Variants in ACSL1 observed in about 807,000 individuals in gnomAD.
The protein encoded by ACSL1 is acyl-CoA synthetase long chain family member 1.
In ACSL1, 41 loss-of-function variants were observed where a neutral mutation model predicts 98.4. That is an observed-to-expected ratio of 0.42 (90% confidence interval 0.32 to 0.54). The LOEUF is 0.54. ACSL1 is among the 20% of genes least tolerant of loss of function. The pLI is 0.13. For missense variants in ACSL1, 734 were observed against 883.1 expected, an observed-to-expected ratio of 0.83 and a Z score of 2.14; for synonymous variants, 316 against 322.7, an observed-to-expected ratio of 0.98 and a Z score of 0.22.
intron 1 of ACSL1, chr4:184,808,473 G>A: frequency 2.0e-6 from 2 of 985,414 alleles, no homozygotes; most frequent in Non-Finnish European, 2.4e-6. Flanking sequence ...CCCTGCAGTG[G>A]CAAATTAAGA....
chr4:184,779,357 C>T (rs1021338397), intron 5 of ACSL1, among the ~76,000 whole-genome samples: 1 of 152,172 alleles, frequency 6.6e-6, no homozygotes, highest in African/African-American at 2.4e-5. Flanking sequence ...TAAGAAGTGC[C>T]TTTCACCTCC....
chr4:184,758,923 T>C (rs1318472781), intron 18 of ACSL1: 1 of 91,322 alleles, frequency 1.1e-5, no homozygotes, highest in Non-Finnish European at 2.0e-5. Flanking sequence ...CAACAGGCCC[T>C]CGTGTGTGAT....
intron 7 of ACSL1, among the ~76,000 whole-genome samples, chr4:184,774,664 T>C (rs1765020027): frequency 6.6e-6 from 1 of 152,210 alleles, no homozygotes; most frequent in Non-Finnish European, 1.5e-5. Flanking sequence ...ATTCTTTTCC[T>C]ATTCAAATGG....
intron 15 of ACSL1, among the ~76,000 whole-genome samples, chr4:184,763,572 C>T (rs533211576): frequency 6.6e-6 from 1 of 152,330 alleles, no homozygotes; most frequent in South Asian, 2.1e-4. Flanking sequence ...GGCTTCCACC[C>T]TCCGATCGCC....
chr4:184,798,184 A>C (rs1421049521), intron 2 of ACSL1: 2 of 152,252 alleles, frequency 1.3e-5, no homozygotes, highest in Non-Finnish European at 2.9e-5. Context: ...ATAACAATCT[A>C]AACAGTGAAT....
chr4:184,764,821 A>G, intron 15 of ACSL1, 32 bp downstream of exon 15: 1 of 1,592,260 alleles, frequency 6.3e-7, no homozygotes, highest in Non-Finnish European at 8.5e-7. Flanking sequence ...ATGAATAACA[A>G]AATTCCAAAA....
chr4:184,778,409 C>T (rs1765654671), intron 5 of ACSL1, among the ~76,000 whole-genome samples: 1 of 152,196 alleles, frequency 6.6e-6, no homozygotes, highest in Admixed American at 6.5e-5. Flanking sequence ...ACATGTGACG[C>T]ATGAGGAAGG....
intron 5 of ACSL1, among the ~76,000 whole-genome samples, 178 bp from the exon 6 acceptor site, chr4:184,777,161 T>C (rs1392121422): frequency 6.6e-6 from 1 of 152,228 alleles, no homozygotes; most frequent in African/African-American, 2.4e-5. Context: ...ACAAAACACA[T>C]GCCCCCTTCT....
intron 12 of ACSL1, among the ~76,000 whole-genome samples, chr4:184,767,240 C>T (rs915664027): frequency 3.3e-5 from 5 of 149,686 alleles, no homozygotes; most frequent in Non-Finnish European, 7.4e-5. Context: ...CATGATAACA[C>T]CACTGCACTC....
intron 1 of ACSL1, chr4:184,805,433 G>C: frequency 1.0e-6 from 1 of 981,748 alleles, no homozygotes; most frequent in Non-Finnish European, 1.2e-6. Flanking sequence ...GAAATTTCAA[G>C]GTTTACCATG....
Position 184,768,396 on chromosome 4 carries a change from G to A in ACSL1, c.1048C>T (p.Leu350=). 1 of 1,613,950 alleles carries A rather than the reference G, an allele frequency of 6.2e-7. No homozygotes were observed. The highest frequency in any genetic ancestry group is 8.5e-7 in the Non-Finnish European group (1 of 1,179,988). The change falls in exon 12 of 21, where the codon CTG becomes TTG. Residue 350 remains leucine (L), a synonymous_variant. Transcript: ENST00000281455. ...AGCACCTTGAGGTCATCCATGAGCA[G>A]CCTGATATCTCCTTGGAAAAATCCG... ...KIGFFQGDIR[L]LMDDLKVLQP... is the part of the protein sequence containing the mutation.
chr4:184,768,895 A>C (rs1466851554), intron 11 of ACSL1, among the ~76,000 whole-genome samples: 1 of 152,044 alleles, frequency 6.6e-6, no homozygotes, highest in Non-Finnish European at 1.5e-5. Context: ...GTTACGGTGA[A>C]ACCCCATCTC....
At chr4:184,793,936 A>G (rs1209792977) in intron 2 of ACSL1, among the ~76,000 whole-genome samples, 1 of 152,202 alleles carries the variant, frequency 6.6e-6, no homozygotes, top group Non-Finnish European at 1.5e-5. Flanking sequence ...CATATAACCT[A>G]TGCACATCTT....
chr4:184,798,424 A>G (rs2150417503), intron 2 of ACSL1: 1 of 153,050 alleles, frequency 6.5e-6, no homozygotes, highest in East Asian at 1.9e-4. Context: ...AACTAATTTG[A>G]CAAGTCAGTC....
chr4:184,812,263 C>A (rs1439888855), intron 1 of ACSL1: 2 of 983,084 alleles, frequency 2.0e-6, no homozygotes, highest in Non-Finnish European at 2.4e-6. Flanking sequence ...CAGTCCCGAG[C>A]CAAGGACAGG....
Position 184,756,174 on chromosome 4 carries a change from C to T in ACSL1, c.*951G>A, listed in dbSNP as rs768631405. On this transcript the variant is annotated 3_prime_UTR_variant, in exon 21 of 21. Coordinates refer to ENST00000281455, the MANE Select transcript of ACSL1 (RefSeq NM_001995.5). Reference sequence around the variant, plus strand: ...GGGGAAAAAGGCAAGTTAATCCCAACATGATCTTTTGATATGAAAACCACA... The same window carrying T: ...GGGGAAAAAGGCAAGTTAATCCCAATATGATCTTTTGATATGAAAACCACA... 4 of 152,526 alleles carry T rather than the reference C, an allele frequency of 2.6e-5. No individual in the cohort carries two copies. The highest frequency in any genetic ancestry group is 5.9e-5 in the Non-Finnish European group (4 of 68,040). 9.4% of individuals were successfully genotyped at this position (152,526 alleles called of 1,614,324 possible).
intron 4 of ACSL1, 78 bp downstream of exon 4, chr4:184,783,849 T>G: frequency 6.6e-6 from 9 of 1,365,826 alleles, no homozygotes; most frequent in Non-Finnish European, 9.4e-6. Flanking sequence ...GGAGAAACCT[T>G]CCGGCTCCAA....
Position 184,770,468 on chromosome 4 carries a change from G to T in ACSL1, c.924C>A (p.Val308=). 1.9e-6 allele frequency: 3 copies of T among 1,584,308 alleles called. No homozygotes were observed. In the South Asian group the frequency reaches 3.3e-5, roughly 17 times the overall value. The stretch of plus-strand genomic sequence containing the variant: ...TCAAAGTATCATCTGGGCAAGGATT[G>T]ACTGTATTCTGTAAGCAAAGACACC... ...SAFVKATENT[V]NPCPDDTLIS... Residue 308 remains valine, a synonymous_variant, in exon 11 of 21, where the codon GTC becomes GTA. Transcript: ENST00000281455.
chr4:184,826,022 G>A (rs116375145), upstream of ACSL1: 30,286 of 148,016 alleles, frequency 0.2, 3,604 homozygotes, highest in East Asian at 0.52. Context: ...CGCCGCCTCG[G>A]CCCGCTGGTT....
Sources: allele counts gnomAD v4.1 joint callset (sites outside exome capture counted in the v4.1 genomes callset), GRCh38; gene constraint gnomAD v4.1.1; transcripts MANE v1.5; gene names NCBI Gene and HGNC (gene_info 2026-07-23, HGNC 2026-07-21).